Variants in TENM2 observed in about 807,000 individuals in gnomAD.
TENM2 encodes teneurin-2.
In TENM2, 52 loss-of-function variants were observed where a neutral mutation model predicts 245.2. The observed-to-expected ratio is 0.21, with a 90% CI of 0.17 to 0.27. The LOEUF is 0.27. Ranked by LOEUF, TENM2 falls within the 10% of genes least tolerant of loss-of-function variation. TENM2 has a pLI of 1.00. For missense variants in TENM2, 3,046 were observed against 3,666.8 expected (o/e 0.83, Z 4.37); for synonymous variants, 1,363 against 1,438.9 (o/e 0.95, Z 1.19).
At chr5:168,172,208 C>G (rs1758902214) in intron 13 of TENM2, among the ~76,000 whole-genome samples, 1 of 152,152 alleles carries the variant, frequency 6.6e-6, no homozygotes, top group Admixed American at 6.5e-5. Flanking sequence ...AAAGAATGAT[C>G]CCACCCAAAA....
intron 2 of TENM2, among the ~76,000 whole-genome samples, chr5:167,545,794 C>A (rs933607957): frequency 1.3e-5 from 2 of 152,196 alleles, no homozygotes; most frequent in African/African-American, 4.8e-5. Flanking sequence ...ATTATATCTA[C>A]TGCACAGGCT....
the TENM2 span, among the ~76,000 whole-genome samples, chr5:167,171,369 A>G: frequency 6.6e-6 from 1 of 152,212 alleles, no homozygotes. Context: ...TGTGATCTCC[A>G]TAACATAACC....
At chr5:168,211,908 G>A (rs1394861961) in intron 20 of TENM2, among the ~76,000 whole-genome samples, 154 bp downstream of exon 22, 1 of 152,140 alleles carries the variant, frequency 6.6e-6, no homozygotes, top group Non-Finnish European at 1.5e-5. Context: ...TTGTGGATAT[G>A]ATAAGCTTTA....
intron 7 of TENM2, among the ~76,000 whole-genome samples, chr5:168,083,005 C>T (rs1439879926): frequency 6.6e-6 from 1 of 152,184 alleles, no homozygotes; most frequent in Non-Finnish European, 1.5e-5. Context: ...TTTAAGTCTG[C>T]AGAAGTTTCT....
chr5:167,476,419 T>C (rs571830473), intron 2 of TENM2, among the ~76,000 whole-genome samples: 1 of 152,296 alleles, frequency 6.6e-6, no homozygotes, highest in South Asian at 2.1e-4. Context: ...CACATTTCAT[T>C]ATAAAATGTC....
At chr5:167,539,908 T>G (rs1465001622) in intron 2 of TENM2, among the ~76,000 whole-genome samples, 2 of 152,144 alleles carry the variant, frequency 1.3e-5, no homozygotes, top group Non-Finnish European at 2.9e-5. Flanking sequence ...CTTCAAAATG[T>G]TTTTTCATTT....
At chr5:167,886,273 A>G (rs1431913540) in intron 3 of TENM2, among the ~76,000 whole-genome samples, 3 of 152,232 alleles carry the variant, frequency 2.0e-5, no homozygotes, top group African/African-American at 7.2e-5. Flanking sequence ...AGTGATATAT[A>G]GAAATTTAAG....
intron 2 of TENM2, among the ~76,000 whole-genome samples, chr5:167,463,702 G>T (rs1017991591): frequency 5.9e-5 from 9 of 151,872 alleles, no homozygotes; most frequent in African/African-American, 2.2e-4. Context: ...TTTCACCATG[G>T]CCAGGCTTGT....
At chr5:168,232,559 T>C (rs900648392) in intron 25 of TENM2, among the ~76,000 whole-genome samples, 2 of 152,326 alleles carry the variant, frequency 1.3e-5, no homozygotes, top group Non-Finnish European at 2.9e-5. Context: ...GTGGGTATCA[T>C]GCATGAAGCA....
the TENM2 span, among the ~76,000 whole-genome samples, chr5:167,192,405 C>T: frequency 6.6e-6 from 1 of 152,042 alleles, no homozygotes; most frequent in Non-Finnish European, 1.5e-5. Flanking sequence ...AGTTTCCAGG[C>T]TGCTAGCCCA....
intron 5 of TENM2, among the ~76,000 whole-genome samples, chr5:168,006,050 G>GA (rs146023010): frequency 1.3e-5 from 2 of 152,272 alleles, no homozygotes; most frequent in East Asian, 1.9e-4. Context: ...CTGGCTTCGT[G>GA]AAAAAACAGA....
intron 2 of TENM2, among the ~76,000 whole-genome samples, chr5:167,710,547 G>A (rs915706183): frequency 3.3e-5 from 5 of 152,174 alleles, no homozygotes; most frequent in Non-Finnish European, 1.5e-5. Context: ...CAAGACAGAA[G>A]GGATAATGTG....
intron 2 of TENM2, among the ~76,000 whole-genome samples, chr5:167,709,446 C>T (rs1758759041): frequency 6.6e-6 from 1 of 152,166 alleles, no homozygotes; most frequent in South Asian, 2.1e-4. Context: ...GCTGGGTATT[C>T]AGTGTAGAGT....
the TENM2 span, among the ~76,000 whole-genome samples, chr5:167,009,100 T>C: frequency 2.0e-5 from 3 of 152,156 alleles, 1 homozygote; most frequent in South Asian, 6.2e-4. Flanking sequence ...GCTCAACTCA[T>C]TTACACCCTT....
intron 2 of TENM2, among the ~76,000 whole-genome samples, chr5:167,652,393 TA>T (rs1754533300): frequency 6.6e-6 from 1 of 152,224 alleles, no homozygotes; most frequent in African/African-American, 2.4e-5. Context: ...TCTTCTTTAT[TA>T]TTTTTATCCT....
intron 7 of TENM2, among the ~76,000 whole-genome samples, chr5:168,082,268 G>T (rs1426508575): frequency 6.6e-6 from 1 of 152,112 alleles, no homozygotes; most frequent in Admixed American, 6.5e-5. Flanking sequence ...TCGTGCCATG[G>T]TTTCAGCTCC....
At chr5:167,550,338 C>T (rs930196786) in intron 2 of TENM2, among the ~76,000 whole-genome samples, 1 of 152,140 alleles carries the variant, frequency 6.6e-6, no homozygotes, top group South Asian at 2.1e-4. Context: ...ATTCCCTGAG[C>T]GCTGATTTAC....
intron 7 of TENM2, among the ~76,000 whole-genome samples, chr5:168,079,707 G>C (rs1481497980): frequency 6.6e-6 from 1 of 152,118 alleles, no homozygotes; most frequent in Non-Finnish European, 1.5e-5. Context: ...TTTGTCTTTG[G>C]TTCTGTTTAT....
the TENM2 span, among the ~76,000 whole-genome samples, chr5:167,057,813 G>A: frequency 6.6e-6 from 1 of 152,164 alleles, no homozygotes; most frequent in African/African-American, 2.4e-5. Context: ...CAGAAGCACA[G>A]GGGGATTTTT....
Sources: allele counts gnomAD v4.1 joint callset (sites outside exome capture counted in the v4.1 genomes callset), GRCh38; gene constraint gnomAD v4.1.1; transcripts MANE v1.5; gene names NCBI Gene and HGNC (gene_info 2026-07-23, HGNC 2026-07-21).